The following SNAP91 variants were observed in gnomAD, a reference collection of about 807,000 sequenced individuals.
SNAP91 encodes the protein clathrin coat assembly protein AP180.
In SNAP91, 27 loss-of-function variants were observed where a neutral mutation model predicts 100.3. The observed-to-expected ratio is 0.27, with a 90% CI of 0.20 to 0.37. The LOEUF is 0.37. Among genes scored for constraint, SNAP91 ranks in the 10% least tolerant of loss-of-function variants. SNAP91 has a pLI of 1.00. For synonymous variants in SNAP91, 404 were observed against 398.6 expected (o/e 1.01, Z -0.16); for missense variants, 986 against 1,123.7 (o/e 0.88, Z 1.75).
chr6:83,694,882 C>T (rs373292531), intron 2 of SNAP91, among the ~76,000 whole-genome samples: 3 of 151,982 alleles, frequency 2.0e-5, no homozygotes, highest in South Asian at 2.1e-4. Flanking sequence ...ATGACTAATA[C>T]GGGTATAAAT....
At chr6:83,569,649 T>TA (rs1261652993) in intron 26 of SNAP91, among the ~76,000 whole-genome samples, 1 of 152,178 alleles carries the variant, frequency 6.6e-6, no homozygotes, top group Non-Finnish European at 1.5e-5. Context: ...GCTGTCTTCC[T>TA]ACCCAAGTCT....
intron 2 of SNAP91, among the ~76,000 whole-genome samples, chr6:83,705,944 T>C (rs972989046): frequency 5.3e-5 from 8 of 152,226 alleles, no homozygotes; most frequent in Non-Finnish European, 7.3e-5. Flanking sequence ...ACCATTCATA[T>C]TAATAATTCA....
intron 2 of SNAP91, among the ~76,000 whole-genome samples, chr6:83,699,983 G>T (rs546410369): frequency 1.5e-4 from 23 of 152,170 alleles, no homozygotes; most frequent in Non-Finnish European, 3.2e-4. Context: ...TGAAGGAATG[G>T]TGAGCAAAGA....
At chr6:83,635,114 C>T (rs217330) in intron 8 of SNAP91, among the ~76,000 whole-genome samples, 122,372 of 152,160 alleles carry the variant, frequency 0.8, 49,504 homozygotes, top group East Asian at 0.9. Context: ...ATACATTCTG[C>T]GGTTGTTGGG....
At chr6:83,561,872 T>C (rs1788384767) in intron 26 of SNAP91, among the ~76,000 whole-genome samples, 1 of 152,110 alleles carries the variant, frequency 6.6e-6, no homozygotes, top group Non-Finnish European at 1.5e-5. Context: ...TTTTAGAAGT[T>C]AGCTGGGCCT....
intron 2 of SNAP91, among the ~76,000 whole-genome samples, chr6:83,705,725 C>G (rs1356810618): frequency 1.3e-5 from 2 of 151,892 alleles, no homozygotes; most frequent in East Asian, 3.9e-4. Flanking sequence ...GCAGGAGAAT[C>G]ACTCGAACCT....
At chr6:83,571,855 C>A (rs1397122036) in intron 26 of SNAP91, among the ~76,000 whole-genome samples, 1 of 152,116 alleles carries the variant, frequency 6.6e-6, no homozygotes, top group Non-Finnish European at 1.5e-5. Context: ...GGGAAGGATG[C>A]AATGGGAGGT....
intron 8 of SNAP91, among the ~76,000 whole-genome samples, chr6:83,640,884 T>C (rs1162355187): frequency 6.6e-6 from 1 of 152,140 alleles, no homozygotes; most frequent in Non-Finnish European, 1.5e-5. Flanking sequence ...AATGATCATC[T>C]GATTAGGATG....
chr6:83,701,533 G>A (rs141258263), intron 2 of SNAP91, among the ~76,000 whole-genome samples: 2 of 150,944 alleles, frequency 1.3e-5, no homozygotes, highest in Non-Finnish European at 2.9e-5. Flanking sequence ...TGCAACCTCC[G>A]CCTCTCGGGT....
chr6:83,628,165 G>T (rs1228499156), intron 8 of SNAP91, among the ~76,000 whole-genome samples: 1 of 148,546 alleles, frequency 6.7e-6, no homozygotes, highest in Non-Finnish European at 1.5e-5. Flanking sequence ...TCTAATCCAG[G>T]TCACTGCAAA....
rs758177440 is a variant in SNAP91, at chr6:83,580,452, C to T, written c.2297G>A (p.Gly766Asp). 1 of 1,597,922 alleles carries T rather than the reference C, an allele frequency of 6.3e-7. No homozygotes were observed. The highest frequency in any genetic ancestry group is 8.5e-7 in the Non-Finnish European group (1 of 1,175,022). Reference sequence around the variant, plus strand: ...AAAAAAAAAACTAGATTACTCACTGCCTACTAAGCTGGCAAGAGATGAATC... The same window carrying T: ...AAAAAAAAAACTAGATTACTCACTGTCTACTAAGCTGGCAAGAGATGAATC... ...DLDSSLASLVGNLGISGTTTK... is the reference protein window; with the variant it reads ...DLDSSLASLVDNLGISGTTTK... Residue 766 changes from glycine to aspartate, a missense_variant and splice_region_variant, in exon 24 of 30, where the codon GGC (glycine) becomes GAC (aspartate). Around this residue, in one of 4 missense-constraint regions of SNAP91, gnomAD observed 575 missense variants for 579.9 expected, o/e 0.99. Coordinates refer to ENST00000369694, the MANE Select transcript of SNAP91 (RefSeq NM_001242792.2).
intron 2 of SNAP91, among the ~76,000 whole-genome samples, chr6:83,686,608 T>C (rs919546757): frequency 6.6e-6 from 1 of 152,224 alleles, no homozygotes; most frequent in Non-Finnish European, 1.5e-5. Flanking sequence ...ACTTTTATAT[T>C]ATCTAGTGCT....
At chr6:83,673,639 C>G (rs564593511) in intron 2 of SNAP91, among the ~76,000 whole-genome samples, 2 of 152,148 alleles carry the variant, frequency 1.3e-5, no homozygotes, top group African/African-American at 4.8e-5. Flanking sequence ...CCAGACAATA[C>G]GAAAAAGTGA....
At chr6:83,629,821 C>CTT (rs1208327732) in intron 8 of SNAP91, among the ~76,000 whole-genome samples, 1 of 152,028 alleles carries the variant, frequency 6.6e-6, no homozygotes, top group Non-Finnish European at 1.5e-5. Context: ...TTGACCTCCT[C>CTT]TTTACCAATT....
intron 6 of SNAP91, 30 bp from the exon 7 acceptor site, chr6:83,656,895 G>A (rs377117068): frequency 2.0e-5 from 21 of 1,045,178 alleles, no homozygotes; most frequent in African/African-American, 1.8e-4. Flanking sequence ...TAATATTAGC[G>A]GCATATCATT....
intron 2 of SNAP91, among the ~76,000 whole-genome samples, chr6:83,701,510 G>C (rs1263464428): frequency 6.6e-6 from 1 of 151,260 alleles, no homozygotes; most frequent in African/African-American, 2.4e-5. Context: ...ACAATGGCGC[G>C]ATCTCGGCTC....
chr6:83,707,694 G>A, intron 2 of SNAP91, 104 bp downstream of exon 2: 1 of 1,441,842 alleles, frequency 6.9e-7, no homozygotes, highest in Admixed American at 2.3e-5. Flanking sequence ...CTGGCTGGGA[G>A]TATCAGAGGC....
At chr6:83,586,480 A>C (rs2092660167) in intron 22 of SNAP91, among the ~76,000 whole-genome samples, 1 of 152,174 alleles carries the variant, frequency 6.6e-6, no homozygotes, top group African/African-American at 2.4e-5. Context: ...ATGGAAAAAC[A>C]TGGTTGTCCT....
intron 9 of SNAP91, among the ~76,000 whole-genome samples, chr6:83,619,412 A>G: frequency 6.6e-6 from 1 of 152,224 alleles, no homozygotes; most frequent in East Asian, 1.9e-4. Context: ...ACAATAAATG[A>G]AAACCACCTC....
Sources: gnomAD v4.1 joint callset for allele counts (sites outside exome capture counted in the v4.1 genomes callset) on GRCh38, gnomAD v4.1.1 for gene constraint, gnomAD v4.1.1 regional missense constraint, MANE v1.5 for transcripts, NCBI Gene and HGNC (gene_info 2026-07-23, HGNC 2026-07-21) for gene names.